AFAP1L2: variants seen among roughly 807,000 people sequenced by gnomAD.
The protein encoded by AFAP1L2 is actin filament associated protein 1 like 2.
Under a neutral mutation model 99.3 loss-of-function variants are expected in AFAP1L2, and 46 were observed. The observed-to-expected ratio is 0.46, with a 90% confidence interval of 0.37 to 0.59. The LOEUF is 0.59. AFAP1L2 is among the 20% of genes least tolerant of loss of function. AFAP1L2 has a pLI of 0.00. For missense variants in AFAP1L2, 959 were observed against 1,034.9 expected, an observed-to-expected ratio of 0.93 and a Z score of 1.01; for synonymous variants, 397 against 419.1, an observed-to-expected ratio of 0.95 and a Z score of 0.64.
At chr10:114,309,914 T>A (rs931024160) in intron 8 of AFAP1L2, among the ~76,000 whole-genome samples, 2 of 152,138 alleles carry the variant, frequency 1.3e-5, no homozygotes, top group African/African-American at 4.8e-5. Context: ...TTCCAAGCAG[T>A]GTATGTTTCT....
At chr10:114,391,556 G>A (rs945233163) in intron 1 of AFAP1L2, among the ~76,000 whole-genome samples, 8 of 152,166 alleles carry the variant, frequency 5.3e-5, no homozygotes, top group African/African-American at 1.4e-4. Context: ...TATACCACAC[G>A]TGAGATTAGT....
chr10:114,288,929 C>A, the AFAP1L2 span: 60 of 1,594,976 alleles, frequency 3.8e-5, no homozygotes, highest in Non-Finnish European at 5.1e-5. Context: ...CCTCTGCTTG[C>A]TCCTGCAGGG....
At chr10:114,367,294 G>A (rs2053422138) in intron 1 of AFAP1L2, among the ~76,000 whole-genome samples, 1 of 152,184 alleles carries the variant, frequency 6.6e-6, no homozygotes. Context: ...TTGCAGACAG[G>A]CATGTGGGAA....
intron 2 of AFAP1L2, among the ~76,000 whole-genome samples, chr10:114,339,136 T>G (rs549251071): frequency 6.6e-6 from 1 of 152,336 alleles, no homozygotes; most frequent in African/African-American, 2.4e-5. Context: ...CATCTCTACT[T>G]TCAACCAGCA....
chr10:114,285,934 C>T, the AFAP1L2 span: 3,289 of 1,582,460 alleles, frequency 2.1e-3, 8 homozygotes, highest in Non-Finnish European at 2.1e-3. Flanking sequence ...CTGTGATCCC[C>T]GCAGCCCTGA....
At chr10:114,323,379 T>C in intron 4 of AFAP1L2, 118 bp from the exon 5 acceptor site, 2 of 813,512 alleles carry the variant, frequency 2.5e-6, no homozygotes, top group African/African-American at 1.7e-5. Context: ...CTTTAAACTT[T>C]AAGCAAGTTG....
Position 114,312,843 on chromosome 10 carries a change from G to A in AFAP1L2, c.792+1028C>T, listed in dbSNP as rs142255934. On this transcript the variant is annotated intron_variant, in intron 7 of 18. Coordinates refer to ENST00000304129, the MANE Select transcript of AFAP1L2 (RefSeq NM_001001936.3). ...GCAATAAAGATGGGGATACCTGTCA[G>A]CACCTTCTAGAAGCTTGGTTAGGAC... 7.3e-4 allele frequency among the ~76,000 whole-genome samples: 111 copies of A among 152,308 alleles called. 1 individual carries two copies. The highest frequency in any genetic ancestry group is 2.5e-3 in the African/African-American group (102 of 41,560).
chr10:114,287,671 T>C, the AFAP1L2 span, among the ~76,000 whole-genome samples: 3 of 152,174 alleles, frequency 2.0e-5, no homozygotes, highest in South Asian at 6.2e-4. Flanking sequence ...TTTGTTCTGC[T>C]GCTTTGTTTG....
At chr10:114,289,169 C>A in the AFAP1L2 span, 1 of 1,613,676 alleles carries the variant, frequency 6.2e-7, no homozygotes, top group Non-Finnish European at 8.5e-7. Flanking sequence ...ATTAGCCAGG[C>A]CCCCTACCTA....
intron 18 of AFAP1L2, 174 bp downstream of exon 18, chr10:114,296,804 G>T (rs2040301060): frequency 1.9e-6 from 2 of 1,075,298 alleles, no homozygotes; most frequent in Non-Finnish European, 2.7e-6. Flanking sequence ...TGGTTGGTCA[G>T]TGCCAGAGAC....
chr10:114,297,375 C>T lies in AFAP1L2; in HGVS notation c.2152G>A (p.Glu718Lys), dbSNP rs2040419591. ...TCGCCCCGGCACTCCTCGTCAATTT[C>T]CTTCAGCTTCTGCTCCAGGCTCGCC... ...VLASLEQKLK[E>K]IDEECRGEES... The change falls in exon 17 of 19, where the codon GAA becomes AAA. Residue 718 changes from glutamate to lysine, a missense_variant. Coordinates refer to ENST00000304129, the MANE Select transcript of AFAP1L2 (RefSeq NM_001001936.3). 1 of 1,613,510 alleles carries T rather than the reference C, an allele frequency of 6.2e-7. No homozygotes were observed. The highest frequency in any genetic ancestry group is 1.3e-5 in the African/African-American group (1 of 74,932).
intron 1 of AFAP1L2, among the ~76,000 whole-genome samples, chr10:114,360,344 C>T (rs1481663546): frequency 2.0e-5 from 3 of 152,166 alleles, no homozygotes; most frequent in African/African-American, 7.2e-5. Flanking sequence ...CAGACTCAAA[C>T]TAGAACTACA....
downstream of AFAP1L2, among the ~76,000 whole-genome samples, chr10:114,292,976 G>T (rs984696898): frequency 9.9e-5 from 15 of 152,136 alleles, no homozygotes; most frequent in African/African-American, 2.9e-4. Context: ...CAAAGTTCTG[G>T]GATTACAGGG....
chr10:114,365,235 T>C (rs1244128225), intron 1 of AFAP1L2, among the ~76,000 whole-genome samples: 2 of 152,144 alleles, frequency 1.3e-5, no homozygotes, highest in Non-Finnish European at 2.9e-5. Flanking sequence ...ATGGACATTG[T>C]TCTCTTCCAT....
chr10:114,319,781 G>T (rs903567412), intron 5 of AFAP1L2: 20 of 486,432 alleles, frequency 4.1e-5, no homozygotes, highest in Non-Finnish European at 6.0e-5. Context: ...AGAGGTTAGT[G>T]CTTGCCCATC....
chr10:114,394,599 G>C (rs1219734440), intron 1 of AFAP1L2, among the ~76,000 whole-genome samples: 1 of 152,118 alleles, frequency 6.6e-6, no homozygotes, highest in Non-Finnish European at 1.5e-5. Context: ...AAAGTCAAGA[G>C]GGGAACAAAA....
chr10:114,298,658 G>A (rs1265859883), intron 16 of AFAP1L2, among the ~76,000 whole-genome samples: 1 of 152,164 alleles, frequency 6.6e-6, no homozygotes, highest in Non-Finnish European at 1.5e-5. Flanking sequence ...AGACCAGCCT[G>A]GGCAACATTG....
At chr10:114,296,093 A>G in intron 18 of AFAP1L2, 25 bp from the exon 19 acceptor site, 1 of 1,614,036 alleles carries the variant, frequency 6.2e-7, no homozygotes, top group Non-Finnish European at 8.5e-7. Context: ...AAATACCAGC[A>G]CCCACCCCCC....
At chr10:114,392,951 G>C (rs1250445868) in intron 1 of AFAP1L2, among the ~76,000 whole-genome samples, 1 of 152,122 alleles carries the variant, frequency 6.6e-6, no homozygotes, top group Non-Finnish European at 1.5e-5. Flanking sequence ...AGGACATTAG[G>C]TAAATAGCTT....
Sources: gnomAD v4.1 joint callset for allele counts (sites outside exome capture counted in the v4.1 genomes callset) on GRCh38, gnomAD v4.1.1 for gene constraint, MANE v1.5 for transcripts, NCBI Gene and HGNC (gene_info 2026-07-23, HGNC 2026-07-21) for gene names.